CRLS1: variants seen among roughly 807,000 people sequenced by gnomAD.
The protein encoded by CRLS1 is cardiolipin synthase (CMP-forming).
In CRLS1, 24 loss-of-function variants were observed where a neutral mutation model predicts 37.0. The ratio of observed to expected loss-of-function variants is 0.65; its 90% CI spans 0.47 to 0.91. The LOEUF is 0.91. Among genes scored for constraint, CRLS1 ranks in the 40% least tolerant of loss-of-function variants. The pLI is 0.00. For synonymous variants in CRLS1, 135 were observed against 159.7 expected, an observed-to-expected ratio of 0.85 and a Z score of 1.17; for missense variants, 373 against 395.8, an observed-to-expected ratio of 0.94 and a Z score of 0.49.
intron 3 of CRLS1, among the ~76,000 whole-genome samples, chr20:6,018,536 A>G (rs1031868042): frequency 2.6e-5 from 4 of 152,180 alleles, no homozygotes; most frequent in African/African-American, 4.8e-5. Context: ...GCGTTTCACT[A>G]TTAAAGATGA....
intron 3 of CRLS1, among the ~76,000 whole-genome samples, chr20:6,019,233 C>CT (rs890634733): frequency 8.6e-5 from 13 of 151,040 alleles, no homozygotes; most frequent in African/African-American, 2.2e-4. Context: ...TAAAGTACAT[C>CT]TTTTTTTTTA....
chr20:6,027,755 A>G (rs1352408334), intron 3 of CRLS1, among the ~76,000 whole-genome samples: 1 of 152,186 alleles, frequency 6.6e-6, no homozygotes, highest in Admixed American at 6.5e-5. Flanking sequence ...GTCTTGAAAT[A>G]CTGGTCATCT....
intron 6 of CRLS1, among the ~76,000 whole-genome samples, chr20:6,034,788 T>C (rs1025056814): frequency 1.3e-5 from 2 of 152,222 alleles, no homozygotes; most frequent in African/African-American, 2.4e-5. Context: ...TTAAGGGTTT[T>C]GGAGGAAGAG....
intron 5 of CRLS1, among the ~76,000 whole-genome samples, chr20:6,033,871 C>T (rs1014958590): frequency 2.0e-5 from 3 of 152,134 alleles, no homozygotes; most frequent in African/African-American, 7.2e-5. Flanking sequence ...GTTTCAAACT[C>T]CTGGGCTCAA....
rs997649908 is a variant in CRLS1 at position 6,018,400 on chromosome 20, A to T, written c.574+2910A>T. Among the ~76,000 whole-genome samples the T allele has an allele frequency of 2.6e-5, 4 of 152,254 alleles. No individual in the cohort carries two copies. In the East Asian group the frequency reaches 7.7e-4, roughly 29 times the overall value. On this transcript the variant is annotated intron_variant, in intron 3 of 6. Transcript: ENST00000378863. ...TATGTCTTGTATGTAATTAATGACAACGTATTTCTTCTTTTCCAGTCCTTT... is the reference window on the plus strand; with the variant it reads ...TATGTCTTGTATGTAATTAATGACATCGTATTTCTTCTTTTCCAGTCCTTT...
intron 2 of CRLS1, among the ~76,000 whole-genome samples, chr20:6,014,540 A>C (rs1978590166): frequency 6.6e-6 from 1 of 152,194 alleles, no homozygotes; most frequent in South Asian, 2.1e-4. Flanking sequence ...TAAACCAGAA[A>C]ATATCTGCCT....
At chr20:6,017,967 CA>C (rs1978890426) in intron 3 of CRLS1, among the ~76,000 whole-genome samples, 1 of 152,072 alleles carries the variant, frequency 6.6e-6, no homozygotes, top group Admixed American at 6.6e-5. Flanking sequence ...CCTGTAATCG[CA>C]GCACTTTGGG....
intron 3 of CRLS1, among the ~76,000 whole-genome samples, chr20:6,030,120 G>T (rs974101200): frequency 1.5e-4 from 22 of 150,814 alleles, no homozygotes; most frequent in South Asian, 4.2e-4. Flanking sequence ...TTTGAACTCA[G>T]GCTTTTTTTT....
At chr20:6,018,748 G>C (rs1016794592) in intron 3 of CRLS1, among the ~76,000 whole-genome samples, 2 of 152,070 alleles carry the variant, frequency 1.3e-5, no homozygotes, top group Non-Finnish European at 2.9e-5. Flanking sequence ...CACCACCCCT[G>C]GCCTGGATAT....
chr20:6,024,446 A>G lies in CRLS1; in HGVS notation c.575-6839A>G, dbSNP rs754282277. 5.9e-5 allele frequency among the ~76,000 whole-genome samples: 9 copies of G among 152,250 alleles called. No individual in the cohort carries two copies. In the South Asian group the frequency reaches 8.3e-4, roughly 14 times the overall value. ...ATCCTGTTAATCAAGAGTGAACTTA[A>G]TCGATTAATGTTGTGTATGTTCTGA... On this transcript the variant is annotated intron_variant, in intron 3 of 6. Coordinates refer to ENST00000378863, the MANE Select transcript of CRLS1 (RefSeq NM_019095.6).
At position 6,037,691 on chromosome 20, in the gene CRLS1, A is replaced by ATT. The variant is rs1980663708; in HGVS notation, c.*533_*534insTT. The ATT allele has an allele frequency of 5.9e-5, 9 of 152,374 alleles. No individual in the cohort carries two copies. The South Asian group carries it at 1.9e-3, about 32-fold the overall frequency. The allele number at this position is 152,374 out of a possible 1,614,324, so 9.4% of individuals were successfully genotyped here. A position where few individuals can be genotyped will look rare whatever the true frequency, so the allele number is the denominator to read the frequency against. On this transcript the variant is annotated 3_prime_UTR_variant, in exon 7 of 7. Coordinates refer to ENST00000378863, the MANE Select transcript of CRLS1 (RefSeq NM_019095.6). ...GTTGTAGATGAAGTAAAGTTATAAA[A>ATT]GAGATTAAAAATGCGGTAACTTTTT...
At chr20:6,019,194 TC>T (rs1161231803) in intron 3 of CRLS1, among the ~76,000 whole-genome samples, 1 of 152,240 alleles carries the variant, frequency 6.6e-6, no homozygotes, top group Non-Finnish European at 1.5e-5. Context: ...TAATTCATTT[TC>T]TTTAATTGTT....
chr20:6,027,569 C>G (rs1445362762), intron 3 of CRLS1, among the ~76,000 whole-genome samples: 1 of 151,428 alleles, frequency 6.6e-6, no homozygotes, highest in African/African-American at 2.4e-5. Flanking sequence ...CATGCACCAC[C>G]ACGCCGAGCT....
rs931236997 is a variant in CRLS1, at chr20:6,006,397, C to T, written c.151C>T (p.Leu51=). 7 of 1,406,446 alleles carry T rather than the reference C, an allele frequency of 5.0e-6. No individual in the cohort carries two copies. Among genetic ancestry groups the T allele is most frequent in the Non-Finnish European group, 6.5e-6 (7 of 1,078,578 alleles). 87.1% of individuals were successfully genotyped at this position (1,406,446 alleles called of 1,614,324 possible). A position where few individuals can be genotyped will look rare whatever the true frequency, so the allele number is the denominator to read the frequency against. The change falls in exon 1 of 7, where the codon CTG becomes TTG. Residue 51 remains leucine, a synonymous_variant. Coordinates refer to ENST00000378863, the MANE Select transcript of CRLS1 (RefSeq NM_019095.6). The stretch of plus-strand genomic sequence containing the variant: ...GGGCTGCCTGGCCGAACGCTGGAGG[C>T]TGCGTCCGGCCGCTCTTGGCTTGCG... ...CLGCLAERWR[L]RPAALGLRLP...
chr20:6,019,535 T>G (rs1257485479), intron 3 of CRLS1, among the ~76,000 whole-genome samples: 1 of 151,186 alleles, frequency 6.6e-6, no homozygotes, highest in Non-Finnish European at 1.5e-5. Flanking sequence ...TTTTTTCATC[T>G]TTTTTGCCAG....
intron 5 of CRLS1, 23 bp downstream of exon 5, chr20:6,032,103 G>A (rs778765749): frequency 1.3e-6 from 2 of 1,566,142 alleles, no homozygotes; most frequent in South Asian, 2.2e-5. Flanking sequence ...AATGTTCTTT[G>A]AAGTTATTCC....
rs116658811 is a variant in CRLS1, at chr20:6,017,877, C to G, written c.574+2387C>G. Among the ~76,000 whole-genome samples the G allele has an allele frequency of 6.9e-3, 1,048 of 152,214 alleles. 7 individuals are homozygous for G. The highest frequency in any genetic ancestry group is 0.023 in the African/African-American group (944 of 41,522). ...ATAAACACTTTTGTTAGACTTATTC[C>G]TAAGTACATGATAGTTCTTGGTGCT... On this transcript the variant is annotated intron_variant, in intron 3 of 6. Transcript: ENST00000378863.
At chr20:6,032,938 G>GT (rs1487888805) in intron 5 of CRLS1, among the ~76,000 whole-genome samples, 1 of 151,934 alleles carries the variant, frequency 6.6e-6, no homozygotes, top group Non-Finnish European at 1.5e-5. Context: ...TTGTTTGTTT[G>GT]TTTGTTTGGC....
intron 2 of CRLS1, among the ~76,000 whole-genome samples, chr20:6,012,834 G>C (rs937032391): frequency 5.9e-5 from 9 of 152,342 alleles, no homozygotes; most frequent in Middle Eastern, 3.4e-3. Context: ...AAAGAAGCCA[G>C]TCAGGAACCC....
Sources: allele counts gnomAD v4.1 joint callset (sites outside exome capture counted in the v4.1 genomes callset), GRCh38; gene constraint gnomAD v4.1.1; transcripts MANE v1.5; gene names NCBI Gene and HGNC (gene_info 2026-07-23, HGNC 2026-07-21).